Variants in ANKRD44 observed in about 807,000 individuals in gnomAD.
ANKRD44 encodes the protein serine/threonine-protein phosphatase 6 regulatory ankyrin repeat subunit B.
In ANKRD44, 35 loss-of-function variants were observed where a neutral mutation model predicts 116.0. That is an observed-to-expected ratio of 0.30 (90% CI 0.23 to 0.40). ANKRD44 has a LOEUF of 0.40. ANKRD44 is among the 10% of genes least tolerant of loss of function. The probability of loss-of-function intolerance (pLI) is 1.00; values close to 1 mark genes in which losing one functional copy is unlikely to be tolerated. For synonymous variants in ANKRD44, 435 were observed against 461.8 expected (o/e 0.94, Z 0.74); for missense variants, 1,014 against 1,242.6 (o/e 0.82, Z 2.77).
In ANKRD44 at chr2:196,973,257, A is replaced by G. The variant is rs1336130799; in HGVS notation, c.2369-5811T>C. On this transcript the variant is annotated intron_variant, in intron 21 of 21. Coordinates refer to the ANKRD44 transcript ENST00000424317. ...TTCTTTTTCTGTAAAGTATTAATTT[A>G]TATCCTTTTCCTATTTTTAAAATTG... Among the ~76,000 whole-genome samples, 2 of 152,246 alleles carry G rather than the reference A, an allele frequency of 1.3e-5. 1 individual carries two copies. Among genetic ancestry groups the G allele is most frequent in the South Asian group, 4.1e-4 (2 of 4,826 alleles).
chr2:197,108,110 G>T (rs1281985945), intron 9 of ANKRD44, among the ~76,000 whole-genome samples: 3 of 152,186 alleles, frequency 2.0e-5, no homozygotes, highest in African/African-American at 7.2e-5. Context: ...TGGAGGTCAT[G>T]TTTATAAGCG....
chr2:197,030,501 A>G (rs1204613960), intron 16 of ANKRD44, among the ~76,000 whole-genome samples: 4 of 152,132 alleles, frequency 2.6e-5, no homozygotes, highest in Non-Finnish European at 5.9e-5. Context: ...AGGCAATATT[A>G]GTGGGGGTGA....
chr2:197,153,570 G>C (rs2079719827), intron 2 of ANKRD44, among the ~76,000 whole-genome samples: 1 of 152,064 alleles, frequency 6.6e-6, no homozygotes, highest in South Asian at 2.1e-4. Context: ...AAAGAAGAAA[G>C]GAAAGAGAAA....
chr2:197,144,334 T>A (rs1303685143), intron 3 of ANKRD44, among the ~76,000 whole-genome samples: 4 of 152,214 alleles, frequency 2.6e-5, no homozygotes, highest in Non-Finnish European at 1.5e-5. Flanking sequence ...TTGTCCAACA[T>A]GGTAATCATT....
At chr2:197,132,732 T>C (rs1024150589) in intron 4 of ANKRD44, among the ~76,000 whole-genome samples, 3 of 152,182 alleles carry the variant, frequency 2.0e-5, no homozygotes, top group Non-Finnish European at 4.4e-5. Context: ...CAGTTCTATC[T>C]TACCAGTTGT....
intron 4 of ANKRD44, chr2:197,136,273 C>A: frequency 3.1e-6 from 1 of 321,552 alleles, no homozygotes; most frequent in Non-Finnish European, 5.9e-6. Context: ...TTCAAGCAGG[C>A]AGTTAGTTGC....
intron 16 of ANKRD44, among the ~76,000 whole-genome samples, chr2:197,075,495 C>G (rs749880020): frequency 6.6e-6 from 1 of 152,256 alleles, no homozygotes; most frequent in East Asian, 1.9e-4. Context: ...GCTCTCAGTA[C>G]ATGTTTGTGG....
rs1460363288 is a variant in ANKRD44 at position 196,988,858 on chromosome 2, T to C, written c.*733A>G. On this transcript the variant is annotated 3_prime_UTR_variant, in exon 28 of 28. Coordinates refer to ENST00000282272, the MANE Select transcript of ANKRD44 (RefSeq NM_001195144.2). ...CAGGTTACTGAGACTATGTGAGCTT[T>C]TCAGTGTACTTAGGGTAATTTCTAG... The C allele has an allele frequency of 3.0e-6, 3 of 985,334 alleles. No individual in the cohort carries two copies. The highest frequency in any genetic ancestry group is 3.5e-5 in the African/African-American group (2 of 57,244). 61.0% of individuals were successfully genotyped at this position (985,334 alleles called of 1,614,324 possible). A position where few individuals can be genotyped will look rare whatever the true frequency, so the allele number is the denominator to read the frequency against.
intron 9 of ANKRD44, among the ~76,000 whole-genome samples, chr2:197,102,938 T>C (rs1420217893): frequency 6.6e-6 from 1 of 152,072 alleles, no homozygotes; most frequent in East Asian, 1.9e-4. Context: ...GTCAAAAAAA[T>C]TTGGGGGGTG....
chr2:197,080,320 C>T (rs1475750050), intron 15 of ANKRD44, among the ~76,000 whole-genome samples: 2 of 152,088 alleles, frequency 1.3e-5, no homozygotes, highest in Non-Finnish European at 2.9e-5. Flanking sequence ...CTGGGAATGC[C>T]TAGTTTTTTT....
chr2:197,239,432 T>C (rs1347039617), intron 1 of ANKRD44, among the ~76,000 whole-genome samples: 4 of 152,160 alleles, frequency 2.6e-5, no homozygotes, highest in African/African-American at 9.7e-5. Flanking sequence ...GGTTTCACTA[T>C]GTTACCCAGG....
chr2:197,043,159 G>C (rs2076942432), intron 16 of ANKRD44, among the ~76,000 whole-genome samples: 1 of 152,222 alleles, frequency 6.6e-6, no homozygotes, highest in African/African-American at 2.4e-5. Flanking sequence ...TTTAAGAAGA[G>C]AGGTGAAACT....
rs547150239 is a variant in ANKRD44, at chr2:197,164,092, C to T, written c.112-16987G>A. Among the ~76,000 whole-genome samples the T allele has an allele frequency of 1.2e-3, 176 of 152,300 alleles. 1 individual carries two copies. The highest frequency in any genetic ancestry group is 4.1e-3 in the African/African-American group (172 of 41,564). ...CAGAAGGATGGACTTTCCTAAGAGG[C>T]TGCGGTGTGCTGCAGGCCCAGTCCT... is the stretch of plus-strand genomic sequence containing the variant. On this transcript the variant is annotated intron_variant, in intron 2 of 27. Transcript: ENST00000282272.
intron 1 of ANKRD44, among the ~76,000 whole-genome samples, chr2:197,294,288 G>A (rs1418156715): frequency 6.6e-6 from 1 of 152,066 alleles, no homozygotes; most frequent in African/African-American, 2.4e-5. Flanking sequence ...TAGAGAAAAG[G>A]AGGTCAGTCA....
At chr2:197,297,406 T>A in intron 1 of ANKRD44, among the ~76,000 whole-genome samples, 1 of 152,314 alleles carries the variant, frequency 6.6e-6, no homozygotes, top group Middle Eastern at 3.4e-3. Context: ...AGAGCTGAAA[T>A]TGACCTGAGA....
chr2:197,032,804 T>C (rs957778259), intron 16 of ANKRD44, among the ~76,000 whole-genome samples: 2 of 152,282 alleles, frequency 1.3e-5, no homozygotes, highest in South Asian at 2.1e-4. Flanking sequence ...ACAGAGCTTA[T>C]AGTTTAGAAG....
chr2:197,275,156 T>C (rs1016744622), intron 1 of ANKRD44, among the ~76,000 whole-genome samples: 2 of 151,846 alleles, frequency 1.3e-5, no homozygotes, highest in Non-Finnish European at 2.9e-5. Flanking sequence ...TCACCCAGGC[T>C]GGAGTGCAGT....
chr2:197,193,917 A>G (rs2080886069), intron 1 of ANKRD44, among the ~76,000 whole-genome samples: 1 of 152,114 alleles, frequency 6.6e-6, no homozygotes, highest in Non-Finnish European at 1.5e-5. Context: ...ATAATAAAAA[A>G]TAACACAACA....
At chr2:197,191,487 A>G (rs755442341) in intron 1 of ANKRD44, among the ~76,000 whole-genome samples, 13 of 152,196 alleles carry the variant, frequency 8.5e-5, no homozygotes, top group African/African-American at 3.1e-4. Flanking sequence ...CACATCCCCT[A>G]TCGGCACATC....
Sources: gnomAD v4.1 joint callset for allele counts (sites outside exome capture counted in the v4.1 genomes callset) on GRCh38, gnomAD v4.1.1 for gene constraint, MANE v1.5 for transcripts, NCBI Gene and HGNC (gene_info 2026-07-23, HGNC 2026-07-21) for gene names.